The following ZNF44 variants were observed in gnomAD, a reference collection of about 807,000 sequenced individuals.
ZNF44 encodes zinc finger protein 44, also known as gonadotropin inducible transcription repressor-2.
ZNF44 carries 9 observed loss-of-function variants against 11.7 expected under a neutral mutation model. The observed-to-expected ratio is 0.77, with a 90% CI of 0.46 to 1.35. The LOEUF (loss-of-function observed/expected upper bound fraction) is 1.35, where lower values mean the gene tolerates loss of function less well. Among genes scored for constraint, ZNF44 ranks in the 40% most tolerant of loss-of-function variants. The pLI is 0.00. For missense variants in ZNF44, 696 were observed against 743.1 expected (o/e 0.94, Z 0.74); for synonymous variants, 224 against 242.7 (o/e 0.92, Z 0.72).
In ZNF44 at chr19:12,265,716, T is replaced by A. The variant is rs182018175; in HGVS notation, c.1912+6771A>T. ...CATACAACTAACTTCCAAGCTGCTA[T>A]CTCTGCTTTCCTCTCTCGTAAAATA... On this transcript the variant is annotated intron_variant and NMD_transcript_variant, in intron 5 of 7. Transcript: ENST00000393337. Among the ~76,000 whole-genome samples, 438 of 152,300 alleles carry A rather than the reference T, an allele frequency of 2.9e-3. 2 individuals carry two copies. Among genetic ancestry groups the A allele is most frequent in the Non-Finnish European group, 4.6e-3 (316 of 68,026 alleles).
chr19:12,276,219 T>A (rs1967213974), intron 1 of ZNF44, 137 bp from the exon 2 acceptor site: 1 of 1,344,170 alleles, frequency 7.4e-7, no homozygotes, highest in Non-Finnish European at 1.0e-6. Flanking sequence ...ACTCTTATTC[T>A]GTGTCTGCAC....
intron 1 of ZNF44, 36 bp downstream of exon 1, chr19:12,294,656 C>A: frequency 6.4e-7 from 1 of 1,553,970 alleles, no homozygotes; most frequent in South Asian, 1.2e-5. Context: ...ACCAGCCCTT[C>A]GCCCTGCCTC....
intron 2 of ZNF44, among the ~76,000 whole-genome samples, chr19:12,275,274 A>T (rs1465838837): frequency 2.0e-5 from 3 of 152,182 alleles, no homozygotes; most frequent in Non-Finnish European, 4.4e-5. Context: ...GAAGATGAGG[A>T]TGAAAACCTT....
intron 7 of ZNF44, among the ~76,000 whole-genome samples, chr19:12,249,276 C>T (rs568140488): frequency 2.0e-5 from 3 of 151,364 alleles, no homozygotes; most frequent in South Asian, 4.2e-4. Flanking sequence ...GAGGCCGAGG[C>T]GGGCGGATCA....
intron 1 of ZNF44, 26 bp downstream of exon 1, chr19:12,294,666 C>G: frequency 6.4e-7 from 1 of 1,557,634 alleles, no homozygotes; most frequent in Non-Finnish European, 8.7e-7. Flanking sequence ...CGCCCTGCCT[C>G]AGGACGCCGG....
In ZNF44 at chr19:12,272,999, T is replaced by TTC; in HGVS notation, c.1254_1255dup (p.Lys419ArgfsTer102). On this transcript the variant is annotated frameshift_variant, in exon 4 of 4. Transcript: ENST00000355684. LOFTEE classifies it low-confidence loss of function (END_TRUNC). Reference sequence around the variant, plus strand: ...CCCACATTGCTTGCATTCATAGGGTTTCTCTCCAGTGTGAGTCCTTTCATG... The same window carrying TTC: ...CCCACATTGCTTGCATTCATAGGGTTTCTCTCTCCAGTGTGAGTCCTTTCATG... 2 of 1,613,534 alleles carry TTC rather than the reference T, an allele frequency of 1.2e-6. No homozygotes were observed. Among genetic ancestry groups the TTC allele is most frequent in the Non-Finnish European group, 1.7e-6 (2 of 1,179,826 alleles).
At chr19:12,279,683 T>C (rs916518412) in intron 1 of ZNF44, among the ~76,000 whole-genome samples, 10 of 151,348 alleles carry the variant, frequency 6.6e-5, no homozygotes, top group African/African-American at 1.9e-4. Context: ...AACCAGAAAA[T>C]TGATGTAGGG....
chr19:12,236,506 A>T (rs1243407261), intron 1 of ZNF44, among the ~76,000 whole-genome samples: 13 of 152,212 alleles, frequency 8.5e-5, no homozygotes. Context: ...GAAATTTGTT[A>T]AAAAGTGGCC....
At position 12,272,805 on chromosome 19, in the gene ZNF44, CT is replaced by C; in HGVS notation, c.1449del (p.Ala484HisfsTer36). 6.2e-7 allele frequency: 1 copy of C among 1,613,886 alleles called. No homozygotes were observed. Among genetic ancestry groups the C allele is most frequent in the Non-Finnish European group, 8.5e-7 (1 of 1,179,858 alleles). ...CAAAAGTATTTAAAAGAACTAAATG[CT>C]TTCCCACACTCCTTACATTCATAAG... ...EEPYECKECG[K>X]AFSSFKYFCR... On this transcript the variant is annotated frameshift_variant, in exon 4 of 4. Coordinates refer to ENST00000355684, the MANE Select transcript of ZNF44 (RefSeq NM_016264.4). LOFTEE classifies it low-confidence loss of function (END_TRUNC).
At chr19:12,289,873 C>T (rs941055757) in intron 1 of ZNF44, among the ~76,000 whole-genome samples, 3 of 151,910 alleles carry the variant, frequency 2.0e-5, no homozygotes, top group South Asian at 2.1e-4. Flanking sequence ...CCTTGCAATC[C>T]GCCTGCCTCG....
At chr19:12,281,246 TATTAGA>T (rs1167044701) in intron 1 of ZNF44, among the ~76,000 whole-genome samples, 2 of 152,176 alleles carry the variant, frequency 1.3e-5, no homozygotes, top group Non-Finnish European at 2.9e-5. Flanking sequence ...GATCAAATCA[TATTAGA>T]ATTAATGTAA....
chr19:12,274,853 T>G (rs1967145486), intron 3 of ZNF44, 120 bp downstream of exon 3: 13 of 637,830 alleles, frequency 2.0e-5, no homozygotes, highest in Non-Finnish European at 3.4e-5. Flanking sequence ...TAGAGAAATT[T>G]TTCTAAGAAT....
At chr19:12,243,634 C>A (rs999143468), downstream of ZNF44, among the ~76,000 whole-genome samples, 54 of 152,224 alleles carry the variant, frequency 3.5e-4, no homozygotes, top group African/African-American at 1.3e-3. Flanking sequence ...ATGCGAGTGG[C>A]AGATATCTCT....
chr19:12,258,325 T>C, intron 5 of ZNF44, among the ~76,000 whole-genome samples: 1 of 118,878 alleles, frequency 8.4e-6, no homozygotes, highest in African/African-American at 3.6e-5. Flanking sequence ...GAGTGAGATC[T>C]TGTCTCAAAA....
chr19:12,258,331 C>CAAAA (rs145891891), intron 5 of ZNF44, among the ~76,000 whole-genome samples: 2 of 41,008 alleles, frequency 4.9e-5, no homozygotes, highest in Admixed American at 3.9e-4. Context: ...GATCTTGTCT[C>CAAAA]AAAAAAAAAA....
intron 3 of ZNF44, among the ~76,000 whole-genome samples, chr19:12,274,266 CTTT>C (rs869093549): frequency 2.2e-4 from 20 of 90,214 alleles, no homozygotes; most frequent in African/African-American, 7.9e-4. Context: ...ATTCTTAATT[CTTT>C]TTTTTTTTTT....
chr19:12,273,444 G>A lies in ZNF44; in HGVS notation c.811C>T (p.His271Tyr), dbSNP rs1395841277. 1.2e-6 allele frequency: 2 copies of A among 1,614,140 alleles called. No homozygotes were observed. Among genetic ancestry groups the A allele is most frequent in the South Asian group, 2.2e-5 (2 of 91,076 alleles). ...TTCTCTCCAGTGTGAGTTCTTTCAT[G>A]TCTTAGATATGAACTGTAATCAGGG... ...AFPDYSSYLRHERTHTGEKPY... is the reference protein window; with the variant it reads ...AFPDYSSYLRYERTHTGEKPY... Residue 271 changes from histidine to tyrosine, a missense_variant, in exon 4 of 4, where the codon CAT (histidine) becomes TAT (tyrosine). Transcript: ENST00000355684.
chr19:12,271,037 G>GTGATGATGA (rs112180662), downstream of ZNF44, among the ~76,000 whole-genome samples: 262 of 151,170 alleles, frequency 1.7e-3, 2 homozygotes, highest in African/African-American at 5.9e-3. Context: ...TCCTCTACAA[G>GTGATGATGA]TGATGATGAT....
intron 1 of ZNF44, among the ~76,000 whole-genome samples, chr19:12,285,538 G>A (rs1399298747): frequency 1.3e-5 from 2 of 152,184 alleles, no homozygotes; most frequent in African/African-American, 2.4e-5. Flanking sequence ...ACAGGCGTGA[G>A]CCACAGCACC....
Sources: gnomAD v4.1 joint callset for allele counts (sites outside exome capture counted in the v4.1 genomes callset) on GRCh38, gnomAD v4.1.1 for gene constraint, MANE v1.5 for transcripts, NCBI Gene and HGNC (gene_info 2026-07-23, HGNC 2026-07-21) for gene names.